Variants in CENPP observed in about 807,000 individuals in gnomAD.
The protein encoded by CENPP is centromere protein P.
In CENPP, 24 loss-of-function variants were observed where a neutral mutation model predicts 35.6. That is an observed-to-expected ratio of 0.67 (90% CI 0.49 to 0.95). The LOEUF (loss-of-function observed/expected upper bound fraction) is 0.95. Among genes scored for constraint, CENPP ranks in the 40% least tolerant of loss-of-function variants. The pLI is 0.00. For synonymous variants in CENPP, 120 were observed against 125.5 expected, an observed-to-expected ratio of 0.96 and a Z score of 0.29; for missense variants, 332 against 345.3, an observed-to-expected ratio of 0.96 and a Z score of 0.31.
rs150545989 is a variant in CENPP, at chr9:92,474,766, A to G, written c.564+94907A>G. 334 of 1,612,810 alleles carry G rather than the reference A, an allele frequency of 2.1e-4. No homozygotes were observed. Among genetic ancestry groups the G allele is most frequent in the Middle Eastern group, 3.3e-4 (2 of 6,080 alleles). On this transcript the variant is annotated intron_variant, in intron 5 of 7. Transcript: ENST00000375587. Reference sequence around the variant, plus strand: ...CCTCATCATCATCATCATCATCATCATCATCATCATCATCATCATCTGTGT... The same window carrying G: ...CCTCATCATCATCATCATCATCATCGTCATCATCATCATCATCATCTGTGT...
chr9:92,357,220 C>T (rs1302400468), intron 4 of CENPP, among the ~76,000 whole-genome samples: 1 of 150,672 alleles, frequency 6.6e-6, no homozygotes, highest in Non-Finnish European at 1.5e-5. Context: ...AAACTTTTTA[C>T]TTCTTTTGCC....
intron 5 of CENPP, among the ~76,000 whole-genome samples, chr9:92,386,611 A>G (rs921674585): frequency 6.6e-6 from 1 of 152,048 alleles, no homozygotes; most frequent in Non-Finnish European, 1.5e-5. Context: ...GTTTGTCTTG[A>G]TAGGAACTAA....
intron 5 of CENPP, chr9:92,464,803 C>G: frequency 1.2e-6 from 1 of 807,690 alleles, no homozygotes. Flanking sequence ...ACCAGATTTA[C>G]TGGTGCAAAG....
intron 5 of CENPP, among the ~76,000 whole-genome samples, chr9:92,398,993 G>A (rs767943414): frequency 1.5e-4 from 23 of 152,074 alleles, no homozygotes; most frequent in African/African-American, 2.4e-4. Flanking sequence ...CCCAAATGGC[G>A]GAGGTTGCAG....
intron 5 of CENPP, among the ~76,000 whole-genome samples, chr9:92,530,525 A>G (rs1848681482): frequency 6.6e-6 from 1 of 152,296 alleles, no homozygotes; most frequent in East Asian, 1.9e-4. Flanking sequence ...CTATTAACCT[A>G]TTTGTTCAAA....
At chr9:92,415,463 C>T in intron 5 of CENPP, 4 of 1,584,224 alleles carry the variant, frequency 2.5e-6, no homozygotes, top group Non-Finnish European at 3.4e-6. Context: ...GGACACATCA[C>T]TGTAAGATTC....
chr9:92,548,856 T>A (rs1388365591), intron 5 of CENPP, among the ~76,000 whole-genome samples: 1 of 152,140 alleles, frequency 6.6e-6, no homozygotes, highest in Non-Finnish European at 1.5e-5. Flanking sequence ...GCAGTTCACT[T>A]TTGTGTGTGT....
intron 5 of CENPP, among the ~76,000 whole-genome samples, chr9:92,394,408 AT>A (rs34978081): frequency 0.2 from 26,215 of 130,818 alleles, 2,274 homozygotes; most frequent in Middle Eastern, 0.26. Flanking sequence ...ACACATGGCT[AT>A]TTTTTTTTTT....
At chr9:92,462,851 C>T (rs1034159006) in intron 5 of CENPP, among the ~76,000 whole-genome samples, 1 of 152,154 alleles carries the variant, frequency 6.6e-6, no homozygotes, top group Non-Finnish European at 1.5e-5. Flanking sequence ...AGAGCAGATC[C>T]ATCATACATA....
At chr9:92,483,414 G>A (rs959848323) in intron 5 of CENPP, among the ~76,000 whole-genome samples, 4 of 152,116 alleles carry the variant, frequency 2.6e-5, no homozygotes, top group African/African-American at 9.7e-5. Flanking sequence ...TTTTTTAATA[G>A]AGACAGTGTT....
At chr9:92,434,919 G>A (rs1398391490) in intron 5 of CENPP, among the ~76,000 whole-genome samples, 1 of 152,220 alleles carries the variant, frequency 6.6e-6, no homozygotes, top group South Asian at 2.1e-4. Flanking sequence ...GGGCGTGGTG[G>A]TGCACGCCTG....
intron 5 of CENPP, among the ~76,000 whole-genome samples, chr9:92,512,671 T>C (rs1209989637): frequency 6.6e-6 from 1 of 152,204 alleles, no homozygotes; most frequent in Non-Finnish European, 1.5e-5. Flanking sequence ...CTACAAAGGT[T>C]CCTGTATGCT....
intron 5 of CENPP, chr9:92,522,680 G>C: frequency 6.2e-7 from 1 of 1,614,084 alleles, no homozygotes; most frequent in Non-Finnish European, 8.5e-7. Flanking sequence ...CTTGCTACTG[G>C]TGTAAAAACT....
intron 3 of CENPP, among the ~76,000 whole-genome samples, chr9:92,344,397 CT>C (rs889268725): frequency 2.0e-5 from 3 of 151,778 alleles, no homozygotes; most frequent in African/African-American, 7.3e-5. Flanking sequence ...CCTTTCTTTG[CT>C]TTTTTTTCTG....
chr9:92,511,997 G>A (rs995592485), intron 5 of CENPP: 3 of 1,579,966 alleles, frequency 1.9e-6, no homozygotes, highest in Admixed American at 1.7e-5. Flanking sequence ...AGACAAATCA[G>A]AGCATGTATT....
At chr9:92,365,426 T>C (rs1841862739) in intron 4 of CENPP, among the ~76,000 whole-genome samples, 1 of 146,180 alleles carries the variant, frequency 6.8e-6, no homozygotes, top group Non-Finnish European at 1.5e-5. Flanking sequence ...TTTTTTTTTT[T>C]TTGAGACAGA....
intron 5 of CENPP, among the ~76,000 whole-genome samples, chr9:92,545,846 AG>A (rs1849430452): frequency 6.7e-6 from 1 of 149,926 alleles, no homozygotes. Flanking sequence ...GTCTAGCTCA[AG>A]GTTTGGTAAA....
At chr9:92,482,854 A>G (rs1462531647) in intron 5 of CENPP, among the ~76,000 whole-genome samples, 1 of 152,014 alleles carries the variant, frequency 6.6e-6, no homozygotes, top group African/African-American at 2.4e-5. Flanking sequence ...AGAAAGAACC[A>G]TACTTTTTTT....
chr9:92,605,627 C>T (rs1851057048), intron 5 of CENPP, among the ~76,000 whole-genome samples: 1 of 152,134 alleles, frequency 6.6e-6, no homozygotes, highest in Non-Finnish European at 1.5e-5. Flanking sequence ...CCCTACCTCA[C>T]ACCATATATA....
Sources: allele counts gnomAD v4.1 joint callset (sites outside exome capture counted in the v4.1 genomes callset), GRCh38; gene constraint gnomAD v4.1.1; transcripts MANE v1.5; gene names NCBI Gene and HGNC (gene_info 2026-07-23, HGNC 2026-07-21).